IFNA4: variants seen among roughly 807,000 people sequenced by gnomAD.
The protein encoded by IFNA4 is interferon alpha-4.
For synonymous variants in IFNA4, 84 were observed against 86.0 expected, an observed-to-expected ratio of 0.98 and a Z score of 0.13; for missense variants, 225 against 214.9, an observed-to-expected ratio of 1.05 and a Z score of -0.29.
At chr9:21,187,073 A>G (rs780377592) in exon 1 of IFNA4, 1 of 1,614,144 alleles carries the variant, frequency 6.2e-7, no homozygotes, top group East Asian at 2.2e-5. Flanking sequence ...TCTCTGTTAG[A>G]TAAAGAGTGA....
exon 1 of IFNA4, chr9:21,186,792 A>T: frequency 1.1e-6 from 1 of 898,262 alleles, no homozygotes; most frequent in South Asian, 1.8e-5. Context: ...TCTGTAAAGG[A>T]CTAGTGCCTG....
exon 1 of IFNA4, chr9:21,187,235 A>G: frequency 1.2e-6 from 2 of 1,612,548 alleles, no homozygotes; most frequent in Non-Finnish European, 1.7e-6. Flanking sequence ...TCTGTTCCCA[A>G]GCAGCAGATG....
chr9:21,186,914 G>C (rs547899644), exon 1 of IFNA4: 1 of 1,605,142 alleles, frequency 6.2e-7, no homozygotes, highest in Non-Finnish European at 8.5e-7. Context: ...ATGAAAGTGT[G>C]AGATAATGTA....
exon 1 of IFNA4, chr9:21,186,735 A>G (rs1022046408): frequency 6.0e-6 from 2 of 336,004 alleles, no homozygotes; most frequent in African/African-American, 4.3e-5. Context: ...TTTTAAAAAT[A>G]AATAAATATT....
chr9:21,187,043 G>A (rs1427553721), exon 1 of IFNA4: 1 of 1,614,114 alleles, frequency 6.2e-7, no homozygotes, highest in Admixed American at 1.7e-5. Context: ...CAACCTCCCA[G>A]GCACAAGGGC....
exon 1 of IFNA4, chr9:21,187,045 C>T (rs1350100172): frequency 6.2e-7 from 1 of 1,614,128 alleles, no homozygotes; most frequent in Non-Finnish European, 8.5e-7. Context: ...ACCTCCCAGG[C>T]ACAAGGGCTG....
chr9:21,187,020 A>G (rs1248650378), exon 1 of IFNA4: 2 of 1,614,070 alleles, frequency 1.2e-6, no homozygotes, highest in African/African-American at 1.3e-5. Context: ...GGATCTCATG[A>G]TTTCTGCTCT....
At chr9:21,186,836 A>C in exon 1 of IFNA4, 1 of 1,505,224 alleles carries the variant, frequency 6.6e-7, no homozygotes, top group Non-Finnish European at 9.0e-7. Flanking sequence ...CACACTGCTG[A>C]AAACATTTGA....
chr9:21,186,686 G>C (rs1817905504), downstream of IFNA4: 2 of 188,840 alleles, frequency 1.1e-5, no homozygotes, highest in East Asian at 2.6e-4. Flanking sequence ...TCACCACAAT[G>C]TAAAGGTACT....
In IFNA4 at chr9:21,187,503, G is replaced by A. The variant is rs772093247; in HGVS notation, c.29C>T (p.Ala10Val). Reference sequence around the variant, plus strand: ...GGATTTGTAGCTGAGCACCAGCACGGCCATCAGTAAAGAAAAGGACAGGGC... The same window carrying A: ...GGATTTGTAGCTGAGCACCAGCACGACCATCAGTAAAGAAAAGGACAGGGC... Residue 10 changes from alanine to valine, a missense_variant, in exon 1 of 1, where the codon GCC (alanine) becomes GTC (valine). Physicochemically the swap from Ala to Val is moderately conservative, Grantham distance 64 (BLOSUM62 0). Transcript: ENST00000421715. The A allele has an allele frequency of 2.7e-5, 43 of 1,611,358 alleles. No homozygotes were observed. In the South Asian group the frequency reaches 3.4e-4, roughly 13 times the overall value.
downstream of IFNA4, chr9:21,186,666 A>G (rs1183574673): frequency 5.9e-6 from 1 of 170,792 alleles, no homozygotes; most frequent in African/African-American, 2.4e-5. Context: ...AAGAACATAT[A>G]TTGTTACATT....
At chr9:21,187,096 A>G in exon 1 of IFNA4, 2 of 1,614,100 alleles carry the variant, frequency 1.2e-6, no homozygotes. Flanking sequence ...CTTTGGAAGT[A>G]TTTCCTCACA....
At chr9:21,187,154 C>A (rs758712609) in exon 1 of IFNA4, 2 of 1,613,990 alleles carry the variant, frequency 1.2e-6, no homozygotes, top group Admixed American at 3.3e-5. Flanking sequence ...CCACCCCAAC[C>A]TCCTGTATCA....
exon 1 of IFNA4, chr9:21,187,411 G>A: frequency 6.2e-7 from 1 of 1,614,158 alleles, no homozygotes; most frequent in Non-Finnish European, 8.5e-7. Flanking sequence ...ATTTGTGCCA[G>A]GAGTATCAAG....
At chr9:21,186,805 C>T in exon 1 of IFNA4, 1 of 1,135,038 alleles carries the variant, frequency 8.8e-7, no homozygotes, top group Non-Finnish European at 1.3e-6. Flanking sequence ...AGTGCCTGCA[C>T]AGGTATACAC....
At chr9:21,187,407 G>A in exon 1 of IFNA4, 2 of 1,614,048 alleles carry the variant, frequency 1.2e-6, no homozygotes, top group Non-Finnish European at 1.7e-6. Flanking sequence ...TCCCATTTGT[G>A]CCAGGAGTAT....
exon 1 of IFNA4, chr9:21,187,508 C>G: frequency 6.2e-7 from 1 of 1,610,804 alleles, no homozygotes; most frequent in Non-Finnish European, 8.5e-7. Context: ...GCACGGCCAT[C>G]AGTAAAGAAA....
exon 1 of IFNA4, chr9:21,187,119 T>A: frequency 1.2e-6 from 2 of 1,613,876 alleles, no homozygotes; most frequent in African/African-American, 2.7e-5. Context: ...CAGGATGGAG[T>A]CCTCATTCAT....
exon 1 of IFNA4, chr9:21,187,556 C>G: frequency 1.3e-6 from 2 of 1,586,826 alleles, no homozygotes; most frequent in South Asian, 1.2e-5. Flanking sequence ...TATTGCTAGG[C>G]TACTTGAGAT....
Sources: allele counts gnomAD v4.1 joint callset, GRCh38; gene constraint gnomAD v4.1.1; transcripts MANE v1.5; gene names NCBI Gene and HGNC (gene_info 2026-07-23, HGNC 2026-07-21).